PLEKHA6: variants seen among roughly 807,000 people sequenced by gnomAD.
PLEKHA6 encodes the protein pleckstrin homology domain containing A6, also known as pleckstrin homology domain-containing family A member 6.
Under a neutral mutation model 116.7 loss-of-function variants are expected in PLEKHA6, and 60 were observed. The ratio of observed to expected loss-of-function variants is 0.51; its 90% CI spans 0.42 to 0.64. The LOEUF is 0.64. Among genes scored for constraint, PLEKHA6 ranks in the 30% least tolerant of loss-of-function variants. The pLI is 0.00. For synonymous variants in PLEKHA6, 489 were observed against 556.1 expected (o/e 0.88, Z 1.70); for missense variants, 1,338 against 1,422.7 (o/e 0.94, Z 0.96).
chr1:204,372,673 C>T (rs956547702), intron 1 of PLEKHA6, among the ~76,000 whole-genome samples: 14 of 152,140 alleles, frequency 9.2e-5, no homozygotes, highest in Admixed American at 6.5e-4. Flanking sequence ...ATCTATACAC[C>T]TGTGAAACTG....
At chr1:204,374,046 C>T (rs977946210) in intron 1 of PLEKHA6, among the ~76,000 whole-genome samples, 3 of 152,204 alleles carry the variant, frequency 2.0e-5, no homozygotes, top group African/African-American at 4.8e-5. Context: ...TCCGCCCCCT[C>T]AGATTCCCAT....
chr1:204,260,819 G>A (rs566654740), intron 7 of PLEKHA6, among the ~76,000 whole-genome samples: 5 of 152,310 alleles, frequency 3.3e-5, no homozygotes, highest in South Asian at 2.1e-4. Context: ...TGTTTTACAC[G>A]CACTCTGTGT....
chr1:204,357,759 C>T (rs1673455792), intron 1 of PLEKHA6, among the ~76,000 whole-genome samples: 1 of 152,262 alleles, frequency 6.6e-6, no homozygotes, highest in Non-Finnish European at 1.5e-5. Flanking sequence ...TGACACCACG[C>T]TCCCATCTGC....
At chr1:204,295,754 C>T (rs149112965) in intron 1 of PLEKHA6, among the ~76,000 whole-genome samples, 3,178 of 152,098 alleles carry the variant, frequency 0.021, 37 homozygotes, top group Non-Finnish European at 0.033. Context: ...CTGGGGAGGA[C>T]CCACAGCCCG....
At chr1:204,276,220 G>A (rs927094622) in intron 1 of PLEKHA6, among the ~76,000 whole-genome samples, 7 of 152,240 alleles carry the variant, frequency 4.6e-5, no homozygotes, top group Admixed American at 2.6e-4. Context: ...TACAGTCTAT[G>A]TGGAAATCTG....
intron 13 of PLEKHA6, among the ~76,000 whole-genome samples, chr1:204,246,794 C>T (rs1351671146): frequency 1.3e-5 from 2 of 152,160 alleles, no homozygotes; most frequent in Non-Finnish European, 2.9e-5. Flanking sequence ...AGATTGCTCC[C>T]GCAGCGCCTA....
At chr1:204,352,814 G>A (rs1196263746) in intron 1 of PLEKHA6, among the ~76,000 whole-genome samples, 1 of 151,990 alleles carries the variant, frequency 6.6e-6, no homozygotes, top group Admixed American at 6.6e-5. Flanking sequence ...GTGAGACTCT[G>A]TCTCTACAAA....
intron 1 of PLEKHA6, among the ~76,000 whole-genome samples, chr1:204,373,758 G>T (rs1176866188): frequency 6.6e-6 from 1 of 152,034 alleles, no homozygotes; most frequent in African/African-American, 2.4e-5. Flanking sequence ...TTTCTCTAAG[G>T]TTGGACACCT....
intron 1 of PLEKHA6, among the ~76,000 whole-genome samples, chr1:204,339,269 G>A (rs956398913): frequency 6.6e-6 from 1 of 152,188 alleles, no homozygotes; most frequent in Non-Finnish European, 1.5e-5. Flanking sequence ...GCCACGGCCG[G>A]AAATGACCCA....
chr1:204,301,113 A>G (rs1038928559), intron 1 of PLEKHA6: 1 of 299,008 alleles, frequency 3.3e-6, no homozygotes, highest in African/African-American at 2.3e-5. Flanking sequence ...TTTATGTAAT[A>G]AACAATGTGT....
At chr1:204,355,440 TG>T (rs1673386553) in intron 1 of PLEKHA6, among the ~76,000 whole-genome samples, 2 of 152,116 alleles carry the variant, frequency 1.3e-5, no homozygotes, top group Admixed American at 1.3e-4. Context: ...ACGTTTTGTT[TG>T]TTTGTTTGTT....
intron 1 of PLEKHA6, among the ~76,000 whole-genome samples, chr1:204,300,988 A>C (rs984498045): frequency 2.6e-5 from 4 of 152,210 alleles, no homozygotes; most frequent in African/African-American, 4.8e-5. Flanking sequence ...CTGCGACCTG[A>C]ACTGGCAAGA....
chr1:204,332,374 CTGTT>C (rs1029660898), intron 1 of PLEKHA6, among the ~76,000 whole-genome samples: 72 of 152,180 alleles, frequency 4.7e-4, no homozygotes, highest in African/African-American at 1.6e-3. Flanking sequence ...TCAGTCCTCA[CTGTT>C]TGTTTTTTTT....
At chr1:204,350,678 G>T (rs2103361437) in intron 1 of PLEKHA6, among the ~76,000 whole-genome samples, 1 of 152,334 alleles carries the variant, frequency 6.6e-6, no homozygotes, top group South Asian at 2.1e-4. Context: ...AAAGCTCAAA[G>T]AGGTAAAATT....
chr1:204,255,606 G>A, intron 9 of PLEKHA6: 1 of 702,636 alleles, frequency 1.4e-6, no homozygotes, highest in Non-Finnish European at 2.6e-6. Context: ...GATGATAAGG[G>A]GGGCACCAGC....
intron 1 of PLEKHA6, among the ~76,000 whole-genome samples, chr1:204,373,432 T>C (rs964934576): frequency 1.3e-5 from 2 of 152,050 alleles, no homozygotes; most frequent in Non-Finnish European, 2.9e-5. Context: ...GTTGCCCAGG[T>C]TGGTTACAAA....
intron 1 of PLEKHA6, among the ~76,000 whole-genome samples, chr1:204,334,137 G>A (rs1053190512): frequency 6.6e-6 from 1 of 152,228 alleles, no homozygotes; most frequent in African/African-American, 2.4e-5. Flanking sequence ...AGTAAGGACA[G>A]ATATGCTTCG....
At chr1:204,248,315 C>A (rs533402507) in intron 12 of PLEKHA6, among the ~76,000 whole-genome samples, 1 of 152,056 alleles carries the variant, frequency 6.6e-6, no homozygotes, top group Non-Finnish European at 1.5e-5. Flanking sequence ...CCACCACAAC[C>A]GGCTAATTTT....
rs34493461 is a variant in PLEKHA6 at position 204,371,053 on chromosome 1, C to CAAAA, written c.160+473_160+476dup. On this transcript the variant is annotated intron_variant, in intron 2 of 4. Transcript: ENST00000564627. ...TGTGCGACAGAGTAAGACTCTGCCT[C>CAAAA]AAAAAAAAAAAAAAAAAAAAAAAAT... is the stretch of plus-strand genomic sequence containing the variant. Among the ~76,000 whole-genome samples, 216 of 68,474 alleles carry CAAAA rather than the reference C, an allele frequency of 3.2e-3. 3 individuals carry two copies. The highest frequency in any genetic ancestry group is 0.012 in the African/African-American group (204 of 16,826). The allele number at this position is 68,474 out of a possible 152,430, so 44.9% of individuals were successfully genotyped here.
Sources: gnomAD v4.1 joint callset for allele counts (sites outside exome capture counted in the v4.1 genomes callset) on GRCh38, gnomAD v4.1.1 for gene constraint, MANE v1.5 for transcripts, NCBI Gene and HGNC (gene_info 2026-07-23, HGNC 2026-07-21) for gene names.